MEGF11: variants seen among roughly 807,000 people sequenced by gnomAD.
MEGF11 encodes multiple epidermal growth factor-like domains protein 11.
A neutral mutation model predicts 146.6 loss-of-function variants in MEGF11; 126 were observed. That is an observed-to-expected ratio of 0.86 (90% CI 0.74 to 1.00). The LOEUF is 1.00. MEGF11 is among the 50% of genes least tolerant of loss of function. The pLI is 0.00. For missense variants in MEGF11, 1,509 were observed against 1,521.2 expected (o/e 0.99, Z 0.13); for synonymous variants, 532 against 583.4 (o/e 0.91, Z 1.27).
At chr15:66,242,251 A>T (rs551647910) in intron 1 of MEGF11, among the ~76,000 whole-genome samples, 1 of 151,784 alleles carries the variant, frequency 6.6e-6, no homozygotes, top group Non-Finnish European at 1.5e-5. Context: ...TACAAAAAAA[A>T]ATAAAAAATT....
intron 5 of MEGF11, among the ~76,000 whole-genome samples, chr15:66,063,681 CCTTTCT>C: frequency 1.3e-5 from 2 of 152,290 alleles, no homozygotes; most frequent in Middle Eastern, 6.8e-3. Context: ...TTTCAGGGAG[CCTTTCT>C]TGATTAACCC....
intron 1 of MEGF11, among the ~76,000 whole-genome samples, chr15:66,134,247 A>C (rs1029793257): frequency 6.6e-6 from 1 of 152,082 alleles, no homozygotes; most frequent in Non-Finnish European, 1.5e-5. Flanking sequence ...ACAGCCTCTG[A>C]ATTCTGGGCC....
At chr15:66,130,245 T>C (rs1471537817) in intron 1 of MEGF11, among the ~76,000 whole-genome samples, 1 of 152,178 alleles carries the variant, frequency 6.6e-6, no homozygotes, top group Non-Finnish European at 1.5e-5. Context: ...ACAAGCATCT[T>C]CTTCCAAGTG....
intron 5 of MEGF11, among the ~76,000 whole-genome samples, chr15:66,052,887 G>A (rs965039803): frequency 2.0e-5 from 3 of 152,200 alleles, no homozygotes; most frequent in South Asian, 2.1e-4. Context: ...AATCTCTGGC[G>A]AATTGGGCAT....
intron 15 of MEGF11, 75 bp downstream of exon 15, chr15:65,922,263 G>GCC: frequency 6.5e-7 from 1 of 1,537,420 alleles, no homozygotes; most frequent in Non-Finnish European, 8.8e-7. Context: ...AAATCCCCAA[G>GCC]CCCTTCCTTC....
At chr15:66,035,152 G>C (rs2083680848) in intron 5 of MEGF11, among the ~76,000 whole-genome samples, 1 of 152,184 alleles carries the variant, frequency 6.6e-6, no homozygotes, top group African/African-American at 2.4e-5. Context: ...GTTTAAATGA[G>C]CTGAGGTACC....
rs538662505 is a variant in MEGF11, at chr15:65,935,495, C to A, written c.1288-4552G>T. 3.9e-5 allele frequency among the ~76,000 whole-genome samples: 6 copies of A among 152,218 alleles called. No individual in the cohort carries two copies. In the South Asian group the frequency reaches 1.2e-3, roughly 32 times the overall value. On this transcript the variant is annotated intron_variant, in intron 10 of 25. Coordinates refer to ENST00000395614, the MANE Select transcript of MEGF11 (RefSeq NM_001385028.1). ...GTGTCAGAATTGAATTGGAGGGCACCCAGCTGATGTCTGCTGCAGAATTGA... is the reference window on the plus strand; with the variant it reads ...GTGTCAGAATTGAATTGGAGGGCACACAGCTGATGTCTGCTGCAGAATTGA...
At position 65,895,584 on chromosome 15, in the gene MEGF11, G is replaced by A. The variant is rs2141117003; in HGVS notation, c.*2350C>T. The A allele has an allele frequency of 6.5e-6, 1 of 152,756 alleles. No homozygotes were observed. The highest frequency in any genetic ancestry group is 6.5e-5 in the Admixed American group (1 of 15,292). 9.5% of individuals were successfully genotyped at this position (152,756 alleles called of 1,614,324 possible). ...CTATTTGTGATGGTGTTAGACAGAA[G>A]TTTCTAACAGTTGCTTTGTAAGATT... is the stretch of plus-strand genomic sequence containing the variant. On this transcript the variant is annotated 3_prime_UTR_variant, in exon 26 of 26. Transcript: ENST00000395614.
At position 65,915,559 on chromosome 15, in the gene MEGF11, A is replaced by G; in HGVS notation, c.2384T>C (p.Leu795Pro). 6 of 1,613,920 alleles carry G rather than the reference A, an allele frequency of 3.7e-6. No individual in the cohort carries two copies. The highest frequency in any genetic ancestry group is 5.1e-6 in the Non-Finnish European group (6 of 1,179,874). The stretch of plus-strand genomic sequence containing the variant: ...GGTGGAGTTGTTCATGCACTCACAT[A>G]GCTGCTGACACCCATAGCCAAAGGT... ...PGTFGYGCQQ[L>P]CECMNNSTCD... Residue 795 changes from leucine (L) to proline (P), a missense_variant, in exon 19 of 26, where the codon CTA becomes CCA. By Grantham distance (98) the Leu-to-Pro change is moderately conservative (BLOSUM62 -3). Coordinates refer to ENST00000395614, the MANE Select transcript of MEGF11 (RefSeq NM_001385028.1).
At chr15:66,163,967 C>T (rs2090028788) in intron 1 of MEGF11, among the ~76,000 whole-genome samples, 1 of 152,298 alleles carries the variant, frequency 6.6e-6, no homozygotes, top group African/African-American at 2.4e-5. Flanking sequence ...TGTAGCTGTC[C>T]TCTGAACTCA....
At chr15:65,927,924 T>C (rs1314547920) in intron 13 of MEGF11, among the ~76,000 whole-genome samples, 3 of 152,150 alleles carry the variant, frequency 2.0e-5, no homozygotes, top group Non-Finnish European at 4.4e-5. Flanking sequence ...GTTTGAAAAG[T>C]TGACTCTGGC....
At chr15:66,137,180 T>C (rs1005861999) in intron 1 of MEGF11, among the ~76,000 whole-genome samples, 14 of 152,246 alleles carry the variant, frequency 9.2e-5, no homozygotes, top group African/African-American at 3.1e-4. Context: ...TGGAAGCCCA[T>C]ACACCAGAGC....
intron 2 of MEGF11, among the ~76,000 whole-genome samples, chr15:66,127,464 T>A (rs923509129): frequency 1.3e-5 from 2 of 152,214 alleles, no homozygotes; most frequent in African/African-American, 4.8e-5. Context: ...TCCACCCTCA[T>A]GGGCATGAAG....
chr15:66,063,662 C>A (rs942818452), intron 5 of MEGF11, among the ~76,000 whole-genome samples: 2 of 152,188 alleles, frequency 1.3e-5, no homozygotes, highest in Admixed American at 6.5e-5. Context: ...GAGACAGACC[C>A]CAAACTATTT....
chr15:66,233,394 C>A (rs950193261), intron 1 of MEGF11, among the ~76,000 whole-genome samples: 18 of 152,220 alleles, frequency 1.2e-4, no homozygotes, highest in African/African-American at 2.9e-4. Flanking sequence ...CACCACCACA[C>A]CAGGCTAATT....
chr15:65,913,745 G>A lies in MEGF11; in HGVS notation c.2702C>T (p.Ser901Phe), dbSNP rs774535453. 5 of 1,611,626 alleles carry A rather than the reference G, an allele frequency of 3.1e-6. No individual in the cohort carries two copies. Among genetic ancestry groups the A allele is most frequent in the Non-Finnish European group, 4.2e-6 (5 of 1,178,820 alleles). Residue 901 changes from serine to phenylalanine, a missense_variant, in exon 20 of 26, where the codon TCC becomes TTC. By Grantham distance (155) the Ser-to-Phe change is radical. Coordinates refer to ENST00000395614, the MANE Select transcript of MEGF11 (RefSeq NM_001385028.1). Reference sequence around the variant, plus strand: ...AGGAGCATGGCCCTTACCTGAGAGGGAGTAGTCGGTGCTGGTCATCCTCAT... The same window carrying A: ...AGGAGCATGGCCCTTACCTGAGAGGAAGTAGTCGGTGCTGGTCATCCTCAT... ...PAMRMTSTDYSLSDLSQSSSH... is the reference protein window; with the variant it reads ...PAMRMTSTDYFLSDLSQSSSH...
At chr15:66,082,425 TAAAAAAAAAAAAAAAAA>T (rs796328490) in intron 5 of MEGF11, among the ~76,000 whole-genome samples, 27 of 15,686 alleles carry the variant, frequency 1.7e-3, no homozygotes, top group African/African-American at 5.8e-3. Flanking sequence ...CCATCTCTAC[TAAAAAAAAAAAAAAAAA>T]AAAAAAAAAA....
At chr15:65,993,884 G>A (rs777858352) in intron 5 of MEGF11, among the ~76,000 whole-genome samples, 5 of 152,126 alleles carry the variant, frequency 3.3e-5, no homozygotes, top group African/African-American at 4.8e-5. Flanking sequence ...TCTCTCTCAC[G>A]GGCTGTGGGC....
chr15:66,035,364 C>T (rs28421215), intron 5 of MEGF11, among the ~76,000 whole-genome samples: 2,335 of 152,312 alleles, frequency 0.015, 54 homozygotes, highest in African/African-American at 0.052. Context: ...GCAATAACTG[C>T]ACAATGTGGC....
Sources: allele counts gnomAD v4.1 joint callset (sites outside exome capture counted in the v4.1 genomes callset), GRCh38; gene constraint gnomAD v4.1.1; transcripts MANE v1.5; gene names NCBI Gene and HGNC (gene_info 2026-07-23, HGNC 2026-07-21).